Variants in ELOA2 observed in about 807,000 individuals in gnomAD.
The protein encoded by ELOA2 is elongin A2, also known as elongin-A2.
For missense variants in ELOA2, 1,271 were observed against 979.7 expected (o/e 1.30, Z -3.97); for synonymous variants, 497 against 398.8 (o/e 1.25, Z -2.94).
chr18:47,032,782 A>G lies in ELOA2; in HGVS notation c.*221T>C, dbSNP rs1233776761. 3.9e-6 allele frequency: 3 copies of G among 773,306 alleles called. No homozygotes were observed. Among genetic ancestry groups the G allele is most frequent in the East Asian group, 5.4e-5 (2 of 37,026 alleles). The allele number at this position is 773,306 out of a possible 1,614,324, so 47.9% of individuals were successfully genotyped here. On this transcript the variant is annotated 3_prime_UTR_variant, in exon 1 of 1. Coordinates refer to ENST00000332567, the MANE Select transcript of ELOA2 (RefSeq NM_016427.3). ...AAATAGAATTGTTCCCAATGCGTTC[A>G]TATCTTCTGAATTCTGAGGTGTTCT...
chr18:47,034,695 C>A lies in ELOA2; in HGVS notation c.570G>T (p.Gly190=), dbSNP rs2060674198. The A allele has an allele frequency of 6.2e-7, 1 of 1,613,084 alleles. No homozygotes were observed. Among genetic ancestry groups the A allele is most frequent in the African/African-American group, 1.3e-5 (1 of 75,038 alleles). Residue 190 remains glycine, a synonymous_variant, in exon 1 of 1, where the codon GGG becomes GGT. Transcript: ENST00000332567. ...GAGTGTGGCCTCTTCCGGGTTGCTT[C>A]CCGGGCGCAGCGGGCTCAGGGCCCT... ...MPEGPEPAAP[G]KQPGRGHTHA... is the part of the protein sequence containing the mutation.
Position 47,034,059 on chromosome 18 carries a change from A to G in ELOA2, c.1206T>C (p.Ser402=). 1.2e-6 allele frequency: 2 copies of G among 1,614,216 alleles called. No homozygotes were observed. The highest frequency in any genetic ancestry group is 1.7e-6 in the Non-Finnish European group (2 of 1,180,042). ...LRKQKKKTGK[S]ATTALGDKQR... is the part of the protein sequence containing the mutation. ...GTTTATCTCCAAGTGCAGTGGTGGCAGATTTTCCAGTCTTTTTCTTTTGCT... is the reference window on the plus strand; with the variant it reads ...GTTTATCTCCAAGTGCAGTGGTGGCGGATTTTCCAGTCTTTTTCTTTTGCT... Residue 402 remains serine (S), a synonymous_variant, in exon 1 of 1, where the codon TCT becomes TCC. Coordinates refer to ENST00000332567, the MANE Select transcript of ELOA2 (RefSeq NM_016427.3).
chr18:47,033,105 G>A lies in ELOA2; in HGVS notation c.2160C>T (p.His720=). 1 of 1,614,134 alleles carries A rather than the reference G, an allele frequency of 6.2e-7. No homozygotes were observed. Among genetic ancestry groups the A allele is most frequent in the Non-Finnish European group, 8.5e-7 (1 of 1,180,044 alleles). ...ANPCLSSSNE[H]AAPAAKTRKQ... is the part of the protein sequence containing the mutation. ...TCCGGGTTTTGGCCGCGGGCGCCGC[G>A]TGCTCATTGCTGCTGCTCAGGCAGG... Residue 720 remains histidine, a synonymous_variant, in exon 1 of 1, where the codon CAC becomes CAT. Transcript: ENST00000332567.
rs1197712218 is a variant in ELOA2, at chr18:47,034,495, C to T, written c.770G>A (p.Cys257Tyr). The T allele has an allele frequency of 6.2e-7, 1 of 1,614,176 alleles. No individual in the cohort carries two copies. Among genetic ancestry groups the T allele is most frequent in the Admixed American group, 1.7e-5 (1 of 60,018 alleles). The change falls in exon 1 of 1, where the codon TGC (cysteine) becomes TAC (tyrosine). Residue 257 changes from cysteine to tyrosine, a missense_variant. Cys to Tyr is a radical substitution (Grantham distance 194, BLOSUM62 -2). Coordinates refer to ENST00000332567, the MANE Select transcript of ELOA2 (RefSeq NM_016427.3). ...CATCCTTGGGGTTTCCTCTCTTAAG[C>T]AGGCCCCGCATGATTTCTCCCTGAT... ...TLIREKSCGA[C>Y]LREETPRMPS...
In ELOA2 at chr18:47,032,863, G is replaced by T; in HGVS notation, c.*140C>A. 6.6e-7 allele frequency: 1 copy of T among 1,523,706 alleles called. No individual in the cohort carries two copies. Among genetic ancestry groups the T allele is most frequent in the African/African-American group, 1.4e-5 (1 of 73,158 alleles). The allele number at this position is 1,523,706 out of a possible 1,614,324, so 94.4% of individuals were successfully genotyped here. A position where few individuals can be genotyped will look rare whatever the true frequency, so the allele number is the denominator to read the frequency against. ...AGGCAAAATCACAGGGCCAGCACATGACACCTGCAGAATTCAAAGGCTCAA... is the reference window on the plus strand; with the variant it reads ...AGGCAAAATCACAGGGCCAGCACATTACACCTGCAGAATTCAAAGGCTCAA... On this transcript the variant is annotated 3_prime_UTR_variant, in exon 1 of 1. Transcript: ENST00000332567.
Position 47,034,674 on chromosome 18 carries a change from G to A in ELOA2, c.591C>T (p.His197=), listed in dbSNP as rs747638809. The A allele has an allele frequency of 6.2e-7, 1 of 1,613,580 alleles. No individual in the cohort carries two copies. The highest frequency in any genetic ancestry group is 2.2e-5 in the East Asian group (1 of 44,862). Residue 197 remains histidine, a synonymous_variant, in exon 1 of 1, where the codon CAC becomes CAT. Transcript: ENST00000332567. The part of the protein sequence containing the change: ...AAPGKQPGRG[H]THAAQGGPLL... ...GAGGCCCGCCCTGAGCCGCGTGAGT[G>A]TGGCCTCTTCCGGGTTGCTTCCCGG... is the stretch of plus-strand genomic sequence containing the variant.
chr18:47,034,395 G>C lies in ELOA2; in HGVS notation c.870C>G (p.Ser290Arg), dbSNP rs373135969. 9.3e-6 allele frequency: 15 copies of C among 1,613,934 alleles called. No individual in the cohort carries two copies. The highest frequency in any genetic ancestry group is 1.3e-5 in the Non-Finnish European group (15 of 1,180,050). The change falls in exon 1 of 1, where the codon AGC (serine) becomes AGG (arginine). Residue 290 changes from serine (S) to arginine (R), a missense_variant. Coordinates refer to ENST00000332567, the MANE Select transcript of ELOA2 (RefSeq NM_016427.3). ...CCTCCAAGGCAGGGACACGCTGGCC[G>C]CTGCCAGCTTGCCCCCCTTCCTTGT... ...KTDKEGGQAG[S>R]GQRVPALEEA... is the part of the protein sequence containing the mutation.
chr18:47,034,417 TTGTC>T, the ELOA2 span: 1 of 1,614,084 alleles, frequency 6.2e-7, no homozygotes, highest in Non-Finnish European at 8.5e-7. Context: ...CCCCCCTTCC[TTGTC>T]TGTCTTGAAG....
Position 47,034,594 on chromosome 18 carries a change from C to T in ELOA2, c.671G>A (p.Ser224Asn), listed in dbSNP as rs2060666874. The T allele has an allele frequency of 1.2e-6, 2 of 1,614,066 alleles. No homozygotes were observed. The highest frequency in any genetic ancestry group is 1.3e-5 in the African/African-American group (1 of 74,954). ...QPQGKAVVSH[S>N]KGHKSSRQEK... ...CTGGCGAGACGATTTGTGCCCCTTG[C>T]TGTGGCTCACAACGGCTTTCCCCTG... Residue 224 changes from serine to asparagine, a missense_variant, in exon 1 of 1, where the codon AGC (serine) becomes AAC (asparagine). Coordinates refer to ENST00000332567, the MANE Select transcript of ELOA2 (RefSeq NM_016427.3).
In ELOA2 at chr18:47,033,707, G is replaced by C. The variant is rs202182645; in HGVS notation, c.1558C>G (p.Pro520Ala). 222 of 1,614,190 alleles carry C rather than the reference G, an allele frequency of 1.4e-4. No homozygotes were observed. Among genetic ancestry groups the C allele is most frequent in the Non-Finnish European group, 1.6e-5 (19 of 1,180,028 alleles). Reference sequence around the variant, plus strand: ...GTCGGCACCTGGAGCTGGCAGGCAGGCCTGGAGCCCGAGTACACCGGCATC... The same window carrying C: ...GTCGGCACCTGGAGCTGGCAGGCAGCCCTGGAGCCCGAGTACACCGGCATC... ...AKMPVYSGSR[P>A]ACQLQVPTLR... The change falls in exon 1 of 1, where the codon CCT (proline) becomes GCT (alanine). Residue 520 changes from proline (P) to alanine (A), a missense_variant. Coordinates refer to ENST00000332567, the MANE Select transcript of ELOA2 (RefSeq NM_016427.3).
Position 47,033,971 on chromosome 18 carries a change from G to A in ELOA2, c.1294C>T (p.Pro432Ser). The A allele has an allele frequency of 6.2e-7, 1 of 1,613,422 alleles. No individual in the cohort carries two copies. Reference protein sequence around the residue: ...ESWDSAKKLPPVQESQSERLQ... With the variant: ...ESWDSAKKLPSVQESQSERLQ... ...CTCTCTGACTGGCTTTCCTGGACAG[G>A]AGGCAATTTCTTAGCCGAATCCCAG... is the stretch of plus-strand genomic sequence containing the variant. Residue 432 changes from proline to serine, a missense_variant, in exon 1 of 1, where the codon CCT becomes TCT. Coordinates refer to ENST00000332567, the MANE Select transcript of ELOA2 (RefSeq NM_016427.3).
chr18:47,033,254 C>T lies in ELOA2; in HGVS notation c.2011G>A (p.Glu671Lys), dbSNP rs781481695. ...GCGGGCTTGGAGGCTGGCTTGATCT[C>T]CCCATTTTCGGGGTCAGCGTCTCCT... Reference protein sequence around the residue: ...SAGDADPENGEIKPASKPAGS... With the variant: ...SAGDADPENGKIKPASKPAGS... The change falls in exon 1 of 1, where the codon GAG becomes AAG. Residue 671 changes from glutamate to lysine, a missense_variant. Coordinates refer to ENST00000332567, the MANE Select transcript of ELOA2 (RefSeq NM_016427.3). 1.2e-6 allele frequency: 2 copies of T among 1,613,592 alleles called. No individual in the cohort carries two copies. Among genetic ancestry groups the T allele is most frequent in the South Asian group, 2.2e-5 (2 of 91,056 alleles).
At chr18:47,033,386 G>A in the ELOA2 span, 8 of 1,613,998 alleles carry the variant, frequency 5.0e-6, no homozygotes, top group Non-Finnish European at 5.9e-6. Flanking sequence ...CGTGCAGATC[G>A]GATATTCGTT....
rs375305878 is a variant in ELOA2, at chr18:47,033,075, C to T, written c.2190G>A (p.Gln730=). ...TCAGCGGGGCCACTTTCTTGGCAGCCTGTTTCCGGGTTTTGGCCGCGGGCG... is the reference window on the plus strand; with the variant it reads ...TCAGCGGGGCCACTTTCTTGGCAGCTTGTTTCCGGGTTTTGGCCGCGGGCG... The part of the protein sequence containing the change: ...HAAPAAKTRK[Q]AAKKVAPLMA... Residue 730 remains glutamine, a synonymous_variant, in exon 1 of 1, where the codon CAG becomes CAA. Transcript: ENST00000332567. 23 of 1,614,016 alleles carry T rather than the reference C, an allele frequency of 1.4e-5. No individual in the cohort carries two copies. In the African/African-American group the frequency reaches 2.9e-4, roughly 21 times the overall value.
rs936035384 is a variant in ELOA2 at position 47,033,935 on chromosome 18, C to A, written c.1330G>T (p.Ala444Ser). ...QESQSERLQA[A>S]GADSAGPKTV... ...TTCGGCCCGGCGGAATCAGCGCCGG[C>A]CGCCTGCAGCCTCTCTGACTGGCTT... Residue 444 changes from alanine to serine, a missense_variant, in exon 1 of 1, where the codon GCC becomes TCC. Physicochemically the swap from Ala to Ser is moderately conservative, Grantham distance 99. Coordinates refer to ENST00000332567, the MANE Select transcript of ELOA2 (RefSeq NM_016427.3). 6.2e-7 allele frequency: 1 copy of A among 1,612,918 alleles called. No individual in the cohort carries two copies. The highest frequency in any genetic ancestry group is 1.7e-5 in the Admixed American group (1 of 60,020).
At position 47,034,706 on chromosome 18, in the gene ELOA2, C is replaced by T. The variant is rs149522210; in HGVS notation, c.559G>A (p.Ala187Thr). ...CTTCCGGGTTGCTTCCCGGGCGCAG[C>T]GGGCTCAGGGCCCTCGGGCATCCGG... ...PLRMPEGPEP[A>T]APGKQPGRGH... Residue 187 changes from alanine to threonine, a missense_variant, in exon 1 of 1, where the codon GCT becomes ACT. Physicochemically the swap from Ala to Thr is moderately conservative, Grantham distance 58. Transcript: ENST00000332567. 49 of 1,612,840 alleles carry T rather than the reference C, an allele frequency of 3.0e-5. No individual in the cohort carries two copies. Among genetic ancestry groups the T allele is most frequent in the Non-Finnish European group, 3.9e-5 (46 of 1,179,892 alleles).
Position 47,034,353 on chromosome 18 carries a change from G to A in ELOA2, c.912C>T (p.His304=). ...AGTGACTGTGCTGAGGCCTCTTCTG[G>A]TGACTGTCTGGAGCCTCCTCCAAGG... ...VPALEEAPDS[H]QKRPQHSHSN... The change falls in exon 1 of 1, where the codon CAC becomes CAT. Residue 304 remains histidine, a synonymous_variant. Transcript: ENST00000332567. The A allele has an allele frequency of 1.2e-6, 2 of 1,613,772 alleles. No homozygotes were observed. Among genetic ancestry groups the A allele is most frequent in the East Asian group, 2.2e-5 (1 of 44,858 alleles).
the ELOA2 span, chr18:47,035,024 G>A: frequency 5.6e-6 from 9 of 1,611,514 alleles, no homozygotes; most frequent in African/African-American, 8.0e-5. Context: ...CGGGTGTTTC[G>A]GTCCACGAGC....
chr18:47,035,003 G>C lies in ELOA2; in HGVS notation c.262C>G (p.Gln88Glu). Residue 88 changes from glutamine (Q) to glutamate (E), a missense_variant, in exon 1 of 1, where the codon CAG becomes GAG. Physicochemically the swap from Gln to Glu is conservative, Grantham distance 29. Coordinates refer to ENST00000332567, the MANE Select transcript of ELOA2 (RefSeq NM_016427.3). ...LVDRNTRPGP[Q>E]DPEESASRQR... ...CGGGAAGCGCTCTCCTCAGGGTCCT[G>C]TGGGCCAGGCCGGGTGTTTCGGTCC... 6.2e-7 allele frequency: 1 copy of C among 1,611,582 alleles called. No individual in the cohort carries two copies. Among genetic ancestry groups the C allele is most frequent in the South Asian group, 1.1e-5 (1 of 90,960 alleles).
Sources: gnomAD v4.1 joint callset for allele counts on GRCh38, gnomAD v4.1.1 for gene constraint, MANE v1.5 for transcripts, NCBI Gene and HGNC (gene_info 2026-07-23, HGNC 2026-07-21) for gene names.